The following IQCK variants were observed in gnomAD, a reference collection of about 807,000 sequenced individuals.
IQCK encodes the protein IQ motif containing K.
Under a neutral mutation model 28.1 loss-of-function variants are expected in IQCK, and 29 were observed. That is an observed-to-expected ratio of 1.03 (90% CI 0.77 to 1.41). The LOEUF is 1.41. Among genes scored for constraint, IQCK ranks in the 40% most tolerant of loss-of-function variants. The probability of loss-of-function intolerance (pLI) is 0.00; values close to 1 mark genes in which losing one functional copy is unlikely to be tolerated. For synonymous variants in IQCK, 113 were observed against 115.1 expected, an observed-to-expected ratio of 0.98 and a Z score of 0.12; for missense variants, 359 against 314.7, an observed-to-expected ratio of 1.14 and a Z score of -1.07.
intron 7 of IQCK, among the ~76,000 whole-genome samples, chr16:19,801,335 G>T: frequency 1.9e-5 from 2 of 103,734 alleles, no homozygotes; most frequent in Non-Finnish European, 1.7e-5. Context: ...CAGGATCTCT[G>T]TCTCTGTCAC....
intron 3 of IQCK, among the ~76,000 whole-genome samples, chr16:19,734,214 T>G (rs1045604585): frequency 6.6e-6 from 1 of 151,920 alleles, no homozygotes; most frequent in Non-Finnish European, 1.5e-5. Context: ...AAAAAAATTA[T>G]CACTGGATGC....
intron 1 of IQCK, among the ~76,000 whole-genome samples, chr16:19,725,378 G>A (rs1306501321): frequency 6.6e-6 from 1 of 152,050 alleles, no homozygotes; most frequent in Non-Finnish European, 1.5e-5. Flanking sequence ...TATATTTGTT[G>A]TAGAGACAGG....
At chr16:19,736,247 C>T (rs1188621591) in intron 4 of IQCK, 2 of 439,856 alleles carry the variant, frequency 4.5e-6, no homozygotes, top group African/African-American at 4.1e-5. Context: ...AGCTTCTCTG[C>T]AGGGAAGTTT....
At chr16:19,773,861 C>T (rs940624836) in intron 6 of IQCK, among the ~76,000 whole-genome samples, 1 of 152,208 alleles carries the variant, frequency 6.6e-6, no homozygotes, top group African/African-American at 2.4e-5. Context: ...TTTATGATTA[C>T]ATCAGGAGTT....
chr16:19,816,175 C>G (rs1313291816), intron 7 of IQCK, among the ~76,000 whole-genome samples: 1 of 152,162 alleles, frequency 6.6e-6, no homozygotes, highest in Non-Finnish European at 1.5e-5. Context: ...TGCCAAGAAT[C>G]AGAGAAAACA....
chr16:19,765,771 C>T lies in IQCK; in HGVS notation c.605+1659C>T, dbSNP rs951353620. ...TTTCAAACCTGTGCCTGATTTTATC[C>T]GCTATGAAATGTATAGCCCAAAATT... On this transcript the variant is annotated intron_variant, in intron 6 of 7. Coordinates refer to ENST00000564186, the Ensembl canonical transcript of IQCK. 5.3e-4 allele frequency among the ~76,000 whole-genome samples: 81 copies of T among 151,930 alleles called. 1 individual carries two copies. Among genetic ancestry groups the T allele is most frequent in the Admixed American group, 3.5e-3 (54 of 15,254 alleles).
intron 1 of IQCK, among the ~76,000 whole-genome samples, chr16:19,728,469 C>T (rs1040053462): frequency 6.6e-6 from 1 of 152,164 alleles, no homozygotes; most frequent in Non-Finnish European, 1.5e-5. Context: ...ACTCTGGTCT[C>T]AAACTCCTGA....
At chr16:19,741,793 C>G (rs975112851) in intron 4 of IQCK, among the ~76,000 whole-genome samples, 9 of 152,060 alleles carry the variant, frequency 5.9e-5, no homozygotes, top group African/African-American at 2.2e-4. Context: ...TCGAGACCAG[C>G]CTGGGCAACA....
chr16:19,777,908 C>T (rs1270919538), intron 6 of IQCK, among the ~76,000 whole-genome samples: 2 of 152,150 alleles, frequency 1.3e-5, no homozygotes, highest in African/African-American at 4.8e-5. Flanking sequence ...CAAAAATTAG[C>T]TGGGCGTGGT....
intron 9 of IQCK, among the ~76,000 whole-genome samples, chr16:19,835,338 T>A (rs2056281339): frequency 6.6e-6 from 1 of 152,248 alleles, no homozygotes; most frequent in Admixed American, 6.5e-5. Flanking sequence ...ATATTATATA[T>A]GCTGTACTGT....
chr16:19,852,619 C>CTTT (rs768835414), intron 9 of IQCK, among the ~76,000 whole-genome samples: 23 of 135,264 alleles, frequency 1.7e-4, no homozygotes, highest in East Asian at 4.2e-4. Flanking sequence ...TTTCCTTCAA[C>CTTT]TTTTTTTTTT....
At chr16:19,727,767 A>C (rs543168289) in intron 1 of IQCK, among the ~76,000 whole-genome samples, 4 of 152,312 alleles carry the variant, frequency 2.6e-5, no homozygotes, top group Admixed American at 2.0e-4. Flanking sequence ...AAATGTATAC[A>C]TTTTAAACCC....
At chr16:19,835,109 A>C (rs55645145) in intron 9 of IQCK, among the ~76,000 whole-genome samples, 1 of 152,038 alleles carries the variant, frequency 6.6e-6, no homozygotes, top group Non-Finnish European at 1.5e-5. Context: ...TACTAAAAAT[A>C]CAAAAAAATT....
rs1249469614 is a variant in IQCK, at chr16:19,805,159, C to T, written c.690+16237C>T. Among the ~76,000 whole-genome samples the T allele has an allele frequency of 1.3e-5, 2 of 152,124 alleles. 1 individual carries two copies. The highest frequency in any genetic ancestry group is 4.1e-4 in the South Asian group (2 of 4,822). On this transcript the variant is annotated intron_variant, in intron 7 of 7. Coordinates refer to ENST00000564186, the Ensembl canonical transcript of IQCK. ...CCAGTGTCATTTAAAGGAGCACTTC[C>T]GTTCTCAGGCAGGGGTTGGTTGTCG...
intron 6 of IQCK, among the ~76,000 whole-genome samples, chr16:19,769,152 G>C (rs1277927971): frequency 2.0e-5 from 3 of 152,090 alleles, no homozygotes; most frequent in Admixed American, 6.6e-5. Flanking sequence ...GAAAGATTTG[G>C]GCACAAGAAG....
chr16:19,813,775 T>A (rs2055938656), intron 7 of IQCK, among the ~76,000 whole-genome samples: 2 of 152,130 alleles, frequency 1.3e-5, no homozygotes, highest in African/African-American at 4.8e-5. Flanking sequence ...AAATACTAGA[T>A]AACAATAATA....
intron 9 of IQCK, among the ~76,000 whole-genome samples, chr16:19,850,369 C>T (rs187130866): frequency 2.5e-3 from 377 of 152,278 alleles, no homozygotes; most frequent in Non-Finnish European, 4.1e-3. Context: ...AAAATAATAG[C>T]ACTTAGCTCA....
intron 9 of IQCK, among the ~76,000 whole-genome samples, chr16:19,839,157 A>G (rs1354371463): frequency 2.7e-5 from 4 of 149,468 alleles, no homozygotes; most frequent in Non-Finnish European, 5.9e-5. Context: ...TTATTTATTT[A>G]TTTATTTATT....
intron 9 of IQCK, among the ~76,000 whole-genome samples, chr16:19,840,907 A>G (rs1481622032): frequency 6.6e-6 from 1 of 152,236 alleles, no homozygotes; most frequent in East Asian, 1.9e-4. Flanking sequence ...GGCATGAAGC[A>G]CATGCTTCTT....
Sources: allele counts gnomAD v4.1 joint callset (sites outside exome capture counted in the v4.1 genomes callset), GRCh38; gene constraint gnomAD v4.1.1; transcripts MANE v1.5; gene names NCBI Gene and HGNC (gene_info 2026-07-23, HGNC 2026-07-21).